USP50: variants seen among roughly 807,000 people sequenced by gnomAD.
USP50 encodes ubiquitin specific peptidase 50.
A neutral mutation model predicts 39.2 loss-of-function variants in USP50; 37 were observed. The observed-to-expected ratio is 0.94, with a 90% CI of 0.73 to 1.24. The LOEUF is 1.24. USP50 is among the 50% of genes most tolerant of loss of function. The probability of loss-of-function intolerance (pLI) is 0.00; values close to 1 mark genes in which losing one functional copy is unlikely to be tolerated. For synonymous variants in USP50, 139 were observed against 144.5 expected (o/e 0.96, Z 0.27); for missense variants, 374 against 398.2 (o/e 0.94, Z 0.52).
intron 4 of USP50, among the ~76,000 whole-genome samples, chr15:50,539,316 T>A (rs1284460070): frequency 6.6e-6 from 1 of 151,562 alleles, no homozygotes; most frequent in Non-Finnish European, 1.5e-5. Flanking sequence ...CTGCCTACCT[T>A]GGCCTCCCAA....
rs756580810 is a variant in USP50, at chr15:50,546,429, C to T, written c.53+44G>A. On this transcript the variant is annotated intron_variant, in intron 1 of 6. Transcript: ENST00000532404. ...CTGACTCCTCTGAGCTTGACTTTCC[C>T]ACCACTGGGCTAATCTAGAAAGCTG... 5 of 1,608,270 alleles carry T rather than the reference C, an allele frequency of 3.1e-6. No homozygotes were observed. The South Asian group carries it at 3.3e-5, about 11-fold the overall frequency.
intron 6 of USP50, among the ~76,000 whole-genome samples, chr15:50,518,252 G>C (rs368701762): frequency 2.8e-5 from 4 of 143,494 alleles, no homozygotes; most frequent in Non-Finnish European, 6.1e-5. Flanking sequence ...ACAGAGTCTC[G>C]CTCCATCACC....
intron 1 of USP50, among the ~76,000 whole-genome samples, chr15:50,494,495 A>AT (rs1240117543): frequency 6.6e-6 from 1 of 152,210 alleles, no homozygotes; most frequent in African/African-American, 2.4e-5. Flanking sequence ...TTGCTGAGAA[A>AT]TTTGCAAATG....
At chr15:50,493,833 G>A (rs924478967), downstream of USP50, 4 of 660,962 alleles carry the variant, frequency 6.1e-6, no homozygotes, top group Non-Finnish European at 1.1e-5. Flanking sequence ...GTCATGAACT[G>A]GAGCCTGTTG....
rs1437727231 is a variant in USP50, at chr15:50,541,140, A to G, written c.569T>C (p.Val190Ala). Reference sequence around the variant, plus strand: ...GGTGCATTTCTCACACTTTAAACATACGATGCTATAATTGAGCTGCTCTTC... The same window carrying G: ...GGTGCATTTCTCACACTTTAAACATGCGATGCTATAATTGAGCTGCTCTTC... ...LFEEQLNYSIVCLKCEKCTYK... is the reference protein window; with the variant it reads ...LFEEQLNYSIACLKCEKCTYK... The change falls in exon 4 of 7, where the codon GTA (valine) becomes GCA (alanine). Residue 190 changes from valine to alanine, a missense_variant. Physicochemically the swap from Val to Ala is moderately conservative, Grantham distance 64 (BLOSUM62 0). Transcript: ENST00000532404. The G allele has an allele frequency of 6.2e-7, 1 of 1,613,896 alleles. No individual in the cohort carries two copies. The highest frequency in any genetic ancestry group is 8.5e-7 in the Non-Finnish European group (1 of 1,179,856).
downstream of USP50, chr15:50,497,243 A>G (rs768325761): frequency 1.9e-6 from 3 of 1,594,618 alleles, no homozygotes; most frequent in Admixed American, 1.8e-5. Context: ...TAAAGGGGAA[A>G]GTTTGTCCTC....
At chr15:50,518,488 G>A (rs1412545273) in intron 6 of USP50, among the ~76,000 whole-genome samples, 1 of 152,004 alleles carries the variant, frequency 6.6e-6, no homozygotes, top group African/African-American at 2.4e-5. Flanking sequence ...TGGGATTACA[G>A]GCATGAGCCA....
chr15:50,494,133 G>A lies in USP50; in HGVS notation n.185-3C>T, dbSNP rs79646551. On this transcript the variant is annotated splice_region_variant and splice_polypyrimidine_tract_variant and intron_variant and non_coding_transcript_variant, in intron 1 of 1. Coordinates refer to the USP50 transcript ENST00000560159. ...AATTTGGTATAATCATGAAAGCCCT[G>A]TGGACAGGACAGTATAGATATATCA... 2,416 of 1,611,988 alleles carry A rather than the reference G, an allele frequency of 1.5e-3. 28 individuals are homozygous for A. In the African/African-American group the frequency reaches 0.029, roughly 20 times the overall value.
chr15:50,518,237 T>C (rs989720496), intron 6 of USP50, among the ~76,000 whole-genome samples: 1 of 151,464 alleles, frequency 6.6e-6, no homozygotes, highest in Non-Finnish European at 1.5e-5. Context: ...GTTTTTTTTT[T>C]TGAGACAGAG....
At position 50,546,661 on chromosome 15, in the gene USP50, C is replaced by T. The variant is rs2053073527; in HGVS notation, c.-136G>A. On this transcript the variant is annotated 5_prime_UTR_variant, in exon 1 of 7. Coordinates refer to ENST00000532404, the MANE Select transcript of USP50 (RefSeq NM_203494.5). ...ATGCTCCTCTCTCTTCCAGTAGCTG[C>T]GAACTGATTTTCACCTGTATCAGGC... 1.1e-6 allele frequency: 1 copy of T among 894,118 alleles called. No individual in the cohort carries two copies. Among genetic ancestry groups the T allele is most frequent in the East Asian group, 2.8e-5 (1 of 35,982 alleles). 55.4% of individuals were successfully genotyped at this position (894,118 alleles called of 1,614,324 possible).
chr15:50,527,788 C>T (rs2052910123), intron 6 of USP50, among the ~76,000 whole-genome samples: 2 of 151,734 alleles, frequency 1.3e-5, no homozygotes, highest in Admixed American at 6.6e-5. Context: ...GTGCATGCCA[C>T]CACACCCAGC....
Sources: allele counts gnomAD v4.1 joint callset (sites outside exome capture counted in the v4.1 genomes callset), GRCh38; gene constraint gnomAD v4.1.1; transcripts MANE v1.5; gene names NCBI Gene and HGNC (gene_info 2026-07-23, HGNC 2026-07-21).